CHAF1A: variants seen among roughly 807,000 people sequenced by gnomAD.
The protein encoded by CHAF1A is chromatin assembly factor 1 subunit A, also known as CAF-1 subunit A.
CHAF1A carries 5 observed loss-of-function variants against 93.2 expected under a neutral mutation model. The ratio of observed to expected loss-of-function variants is 0.05; its 90% CI spans 0.03 to 0.11. CHAF1A has a LOEUF of 0.11. Among genes scored for constraint, CHAF1A ranks in the 10% least tolerant of loss-of-function variants. The pLI, the probability that CHAF1A is intolerant of heterozygous loss-of-function variation, is 1.00. For missense variants in CHAF1A, 1,102 were observed against 1,259.9 expected (o/e 0.87, Z 1.90); for synonymous variants, 504 against 510.3 (o/e 0.99, Z 0.17).
intron 4 of CHAF1A, among the ~76,000 whole-genome samples, chr19:4,420,946 C>T (rs1425997194): frequency 6.6e-6 from 1 of 152,046 alleles, no homozygotes. Flanking sequence ...TGCCTGTGGT[C>T]CCAGCTACTC....
downstream of CHAF1A, chr19:4,447,891 C>T (rs1001597251): frequency 1.5e-5 from 8 of 525,468 alleles, no homozygotes; most frequent in East Asian, 1.0e-4. Context: ...TTAACCACAG[C>T]GGTGGGGAAG....
chr19:4,410,512 C>A (rs1164237630), intron 3 of CHAF1A, among the ~76,000 whole-genome samples: 1 of 151,518 alleles, frequency 6.6e-6, no homozygotes, highest in Non-Finnish European at 1.5e-5. Flanking sequence ...TCCCTGATAG[C>A]TGGGATTACA....
chr19:4,427,167 T>TTTTTTTTTTTTTTTA (rs1974100350), intron 7 of CHAF1A, among the ~76,000 whole-genome samples: 2 of 77,288 alleles, frequency 2.6e-5, no homozygotes, highest in East Asian at 3.5e-4. Context: ...TTTTTTTTTT[T>TTTTTTTTTTTTTTTA]GAGAAGGAGT....
At chr19:4,447,558 C>G (rs573756478), downstream of CHAF1A, 2 of 1,613,662 alleles carry the variant, frequency 1.2e-6, no homozygotes, top group South Asian at 2.2e-5. Flanking sequence ...ACCTGAAACA[C>G]CTTGTTCTGC....
chr19:4,415,627 G>A (rs1973884346), intron 3 of CHAF1A, among the ~76,000 whole-genome samples: 2 of 152,110 alleles, frequency 1.3e-5, no homozygotes, highest in South Asian at 2.1e-4. Flanking sequence ...AGCATTTGGT[G>A]AGGCTGCCTC....
chr19:4,433,512 C>T lies in CHAF1A; in HGVS notation c.2646C>T (p.Phe882=). ...CGGGCAGCATGTGCATCACCCAATTCATGAAGAAGCGCAGGCACGACGGCC... is the reference window on the plus strand; with the variant it reads ...CGGGCAGCATGTGCATCACCCAATTTATGAAGAAGCGCAGGCACGACGGCC... The part of the protein sequence containing the change: ...KSAGSMCITQ[F]MKKRRHDGQI... Residue 882 remains phenylalanine, a synonymous_variant, in exon 13 of 15, where the codon TTC becomes TTT. Coordinates refer to ENST00000301280, the MANE Select transcript of CHAF1A (RefSeq NM_005483.3). This position sits in a 1 kb window ranked among gnomAD's most constrained non-coding sequence, Gnocchi z 5.6. The T allele has an allele frequency of 6.3e-7, 1 of 1,584,486 alleles. No individual in the cohort carries two copies. Among genetic ancestry groups the T allele is most frequent in the Non-Finnish European group, 8.6e-7 (1 of 1,156,764 alleles).
intron 1 of CHAF1A, among the ~76,000 whole-genome samples, chr19:4,405,591 G>C (rs1332225022): frequency 6.7e-6 from 1 of 150,224 alleles, no homozygotes; most frequent in African/African-American, 2.5e-5. Context: ...CTGGGCGACA[G>C]AGTGAGACTC....
At chr19:4,443,572 C>T (rs1182930687), downstream of CHAF1A, among the ~76,000 whole-genome samples, 1 of 152,158 alleles carries the variant, frequency 6.6e-6, no homozygotes, top group African/African-American at 2.4e-5. Context: ...GGTCAAGGTG[C>T]GGGTTTTTCC....
intron 13 of CHAF1A, among the ~76,000 whole-genome samples, chr19:4,435,609 A>G (rs1160557421): frequency 1.3e-5 from 2 of 152,184 alleles, no homozygotes; most frequent in African/African-American, 4.8e-5. Context: ...GGCTTAAGCA[A>G]TCCCCCTGCC....
chr19:4,422,925 C>A lies in CHAF1A; in HGVS notation c.1247+130C>A. 1.1e-6 allele frequency: 1 copy of A among 884,936 alleles called. No homozygotes were observed. The highest frequency in any genetic ancestry group is 1.7e-6 in the Non-Finnish European group (1 of 578,026). The allele number at this position is 884,936 out of a possible 1,614,324, so 54.8% of individuals were successfully genotyped here. On this transcript the variant is annotated intron_variant, in intron 5 of 14. Coordinates refer to ENST00000301280, the MANE Select transcript of CHAF1A (RefSeq NM_005483.3). The surrounding 1 kb of genome is among the most constrained non-coding windows in gnomAD (Gnocchi z 4.6). ...CTTCAGTTCCTTCCCATTTCTCCTT[C>A]GTGAGGTGCCCGTGGGGCCCTGACG...
chr19:4,406,251 A>C (rs1238977295), intron 2 of CHAF1A, among the ~76,000 whole-genome samples: 1 of 152,210 alleles, frequency 6.6e-6, no homozygotes, highest in Non-Finnish European at 1.5e-5. Flanking sequence ...ACCGGATGCC[A>C]GTAAGTGCAT....
At chr19:4,447,454 AG>A, downstream of CHAF1A, 1 of 1,379,242 alleles carries the variant, frequency 7.3e-7, no homozygotes, top group Non-Finnish European at 1.0e-6. Context: ...TAGCTCCTCC[AG>A]GGAGCCCACC....
rs753288525 is a variant in CHAF1A at position 4,428,830 on chromosome 19, G to A, written c.1544G>A (p.Arg515Gln). 5 of 1,613,848 alleles carry A rather than the reference G, an allele frequency of 3.1e-6. No individual in the cohort carries two copies. The highest frequency in any genetic ancestry group is 1.7e-5 in the Admixed American group (1 of 59,994). ...EFSFLKDLKG[R>Q]QPLRSGPTHV... ...TCCTTCTTGAAAGACCTCAAAGGCC[G>A]GCAGCCCCTGAGGTCCGGACCCACG... Residue 515 changes from arginine to glutamine, a missense_variant, in exon 8 of 15, where the codon CGG (arginine) becomes CAG (glutamine). By Grantham distance (43) the Arg-to-Gln change is conservative. This residue lies in a region of CHAF1A where 165 missense variants were observed against 243.9 expected (regional missense o/e 0.68). Transcript: ENST00000301280.
intron 1 of CHAF1A, among the ~76,000 whole-genome samples, chr19:4,404,112 TGCCTGGCCAGGATATTTA>T (rs1973638282): frequency 6.6e-6 from 1 of 152,030 alleles, no homozygotes; most frequent in South Asian, 2.1e-4. Context: ...TGAGCCACCA[TGCCTGGCCAGGATATTTA>T]ACTTTAAAAA....
Position 4,429,725 on chromosome 19 carries a change from G to A in CHAF1A, c.1791G>A (p.Glu597=), listed in dbSNP as rs1279019338. The change falls in exon 10 of 15, where the codon GAG becomes GAA. Residue 597 remains glutamate (E), a synonymous_variant. Transcript: ENST00000301280. ...WAQDTKLLDY[E]VDSDEEWEEE... is the part of the protein sequence containing the mutation. The stretch of plus-strand genomic sequence containing the variant: ...TTTCTCAGAAGCTCCTGGACTATGA[G>A]GTGGACAGTGATGAGGAGTGGGAAG... The A allele has an allele frequency of 6.2e-7, 1 of 1,613,978 alleles. No individual in the cohort carries two copies. The highest frequency in any genetic ancestry group is 1.3e-5 in the African/African-American group (1 of 74,898).
At chr19:4,446,926 G>A, downstream of CHAF1A, 1 of 1,613,532 alleles carries the variant, frequency 6.2e-7, no homozygotes, top group Admixed American at 1.7e-5. Context: ...CGCTCCTGGG[G>A]GTGGAGATGG....
intron 13 of CHAF1A, 81 bp from the exon 14 acceptor site, chr19:4,442,164 G>A (rs923974238): frequency 1.8e-6 from 2 of 1,142,082 alleles, no homozygotes; most frequent in Non-Finnish European, 1.3e-6. Flanking sequence ...TGTCACACCT[G>A]TGGAGTTCCC....
chr19:4,419,669 G>C (rs1158844673), intron 4 of CHAF1A, among the ~76,000 whole-genome samples: 5 of 152,122 alleles, frequency 3.3e-5, no homozygotes, highest in African/African-American at 1.2e-4. Flanking sequence ...GACTTCAGGT[G>C]ATCCACCCAC....
chr19:4,436,914 C>T (rs1192612409), intron 13 of CHAF1A, among the ~76,000 whole-genome samples: 1 of 152,210 alleles, frequency 6.6e-6, no homozygotes, highest in Non-Finnish European at 1.5e-5. Flanking sequence ...AGTTACTGTG[C>T]TTCGGGGGCA....
Sources: allele counts gnomAD v4.1 joint callset (sites outside exome capture counted in the v4.1 genomes callset), GRCh38; gene constraint gnomAD v4.1.1; regional missense constraint gnomAD v4.1.1; non-coding constraint Gnocchi (gnomAD v3.1); transcripts MANE v1.5; gene names NCBI Gene and HGNC (gene_info 2026-07-23, HGNC 2026-07-21).